RBFOX1: variants seen among roughly 807,000 people sequenced by gnomAD.
The protein encoded by RBFOX1 is RNA binding protein fox-1 homolog 1.
A neutral mutation model predicts 57.7 loss-of-function variants in RBFOX1; 8 were observed. That is an observed-to-expected ratio of 0.14 (90% CI 0.08 to 0.25). The LOEUF is 0.25. Among genes scored for constraint, RBFOX1 ranks in the 10% least tolerant of loss-of-function variants. The pLI is 1.00. For synonymous variants in RBFOX1, 326 were observed against 222.4 expected (o/e 1.47, Z -4.15); for missense variants, 611 against 548.5 (o/e 1.11, Z -1.14).
Position 5,781,946 on chromosome 16 carries a change from C to T in RBFOX1, c.319-85357C>T, listed in dbSNP as rs2054337338. Reference sequence around the variant, plus strand: ...ACAGGCCAGGCGTGGTGGTTCATGCCTGTAATCCCAGCACTTAGGGAGGCC... The same window carrying T: ...ACAGGCCAGGCGTGGTGGTTCATGCTTGTAATCCCAGCACTTAGGGAGGCC... On this transcript the variant is annotated intron_variant, in intron 3 of 19. Coordinates refer to the RBFOX1 transcript ENST00000641259. Among the ~76,000 whole-genome samples the T allele has an allele frequency of 3.9e-5, 6 of 152,234 alleles. No homozygotes were observed. In the South Asian group the frequency reaches 1.2e-3, roughly 31 times the overall value.
At chr16:6,903,443 T>A (rs189888455) in intron 3 of RBFOX1, among the ~76,000 whole-genome samples, 17 of 152,326 alleles carry the variant, frequency 1.1e-4, no homozygotes, top group Admixed American at 9.1e-4. Flanking sequence ...AAGTCTGCCA[T>A]CATTGCTTAT....
chr16:7,217,727 G>C (rs145317603), intron 4 of RBFOX1, among the ~76,000 whole-genome samples: 1,888 of 152,254 alleles, frequency 0.012, 34 homozygotes, highest in African/African-American at 0.038. Flanking sequence ...CTGAGAAAAA[G>C]CTTTATTTAC....
intron 2 of RBFOX1, among the ~76,000 whole-genome samples, chr16:6,381,955 A>G (rs560522010): frequency 6.6e-6 from 1 of 152,322 alleles, no homozygotes; most frequent in Non-Finnish European, 1.5e-5. Flanking sequence ...TCTCCTAGGA[A>G]AAGGCTCTGC....
intron 3 of RBFOX1, among the ~76,000 whole-genome samples, chr16:6,995,931 C>T (rs999776704): frequency 3.3e-5 from 5 of 152,132 alleles, no homozygotes; most frequent in Admixed American, 1.3e-4. Flanking sequence ...TAGGAAAAAA[C>T]AACCCAGTTC....
chr16:7,126,444 T>C, intron 4 of RBFOX1: 1 of 229,480 alleles, frequency 4.4e-6, no homozygotes, highest in South Asian at 6.9e-5. Context: ...CACATACAGC[T>C]TGGGAAGCAC....
chr16:7,571,827 G>A (rs985103977), intron 5 of RBFOX1, among the ~76,000 whole-genome samples: 2 of 152,130 alleles, frequency 1.3e-5, no homozygotes, highest in Non-Finnish European at 2.9e-5. Context: ...TGCATGGCCT[G>A]AGAAATAAAA....
At chr16:7,695,057 C>T (rs1452910035) in intron 14 of RBFOX1, among the ~76,000 whole-genome samples, 1 of 152,300 alleles carries the variant, frequency 6.6e-6, no homozygotes, top group Non-Finnish European at 1.5e-5. Flanking sequence ...TGAAAGTTTG[C>T]ATGCGTGTGG....
rs72778515 is a variant in RBFOX1 at position 7,694,799 on chromosome 16, C to T, written c.996-14257C>T. On this transcript the variant is annotated intron_variant, in intron 14 of 15. Coordinates refer to ENST00000550418, the MANE Select transcript of RBFOX1 (RefSeq NM_018723.4). Reference sequence around the variant, plus strand: ...TGGAGCATGAAACAAAAGGGGAGACCGCTTGGAATGGGAGGTAGGGGTGGG... The same window carrying T: ...TGGAGCATGAAACAAAAGGGGAGACTGCTTGGAATGGGAGGTAGGGGTGGG... Among the ~76,000 whole-genome samples the T allele has an allele frequency of 8.0e-3, 1,213 of 152,138 alleles. 13 individuals are homozygous for T. Among genetic ancestry groups the T allele is most frequent in the Admixed American group, 0.014 (211 of 15,272 alleles).
At chr16:5,292,273 C>A (rs1596416244) in intron 1 of RBFOX1, among the ~76,000 whole-genome samples, 1 of 152,202 alleles carries the variant, frequency 6.6e-6, no homozygotes, top group Admixed American at 6.5e-5. Context: ...TTTGAAAGAT[C>A]CCAGCAACAA....
intron 3 of RBFOX1, among the ~76,000 whole-genome samples, chr16:6,813,297 G>A (rs1603627941): frequency 6.6e-6 from 1 of 152,146 alleles, no homozygotes; most frequent in Non-Finnish European, 1.5e-5. Context: ...CATATTCCAT[G>A]AAACAACCCT....
At chr16:5,989,089 G>A (rs2060336309) in intron 4 of RBFOX1, among the ~76,000 whole-genome samples, 1 of 151,870 alleles carries the variant, frequency 6.6e-6, no homozygotes, top group Non-Finnish European at 1.5e-5. Context: ...GGGAGGCCGA[G>A]GCGGGTGGAT....
At chr16:6,503,338 C>T (rs192899028) in intron 2 of RBFOX1, among the ~76,000 whole-genome samples, 1 of 152,206 alleles carries the variant, frequency 6.6e-6, no homozygotes, top group African/African-American at 2.4e-5. Flanking sequence ...ATTGTAGAAG[C>T]CTGGGGAGTC....
intron 1 of RBFOX1, chr16:5,467,174 T>TTCTCTC (rs34212245): frequency 0.022 from 27,895 of 1,259,072 alleles, 71 homozygotes; most frequent in Non-Finnish European, 0.026. Flanking sequence ...TCAATGTTTC[T>TTCTCTC]TCTCTCTCTC....
intron 1 of RBFOX1, among the ~76,000 whole-genome samples, chr16:6,109,276 T>C (rs1445865246): frequency 1.3e-5 from 2 of 152,210 alleles, no homozygotes; most frequent in Non-Finnish European, 2.9e-5. Flanking sequence ...TGATCATCTT[T>C]GGATCAATAT....
intron 1 of RBFOX1, among the ~76,000 whole-genome samples, chr16:5,251,077 T>G (rs1452945578): frequency 6.6e-6 from 1 of 151,748 alleles, no homozygotes; most frequent in Non-Finnish European, 1.5e-5. Context: ...TGTCCTGGGG[T>G]GGGGGGGTCC....
chr16:7,313,670 G>C (rs1180991111), intron 4 of RBFOX1, among the ~76,000 whole-genome samples: 5 of 150,632 alleles, frequency 3.3e-5, no homozygotes, highest in African/African-American at 1.2e-4. Flanking sequence ...ACAAGCACAC[G>C]AATAAGCACT....
intron 2 of RBFOX1, among the ~76,000 whole-genome samples, chr16:6,450,839 GTATATATATA>G (rs1202016714): frequency 2.9e-4 from 4 of 13,602 alleles, no homozygotes; most frequent in South Asian, 3.4e-3. Context: ...ATATATATGT[GTATATATATA>G]TATATATATA....
chr16:6,949,701 C>G (rs556264474), intron 3 of RBFOX1, among the ~76,000 whole-genome samples: 1 of 152,130 alleles, frequency 6.6e-6, no homozygotes, highest in Non-Finnish European at 1.5e-5. Flanking sequence ...CCTTCTAGGT[C>G]CTACCTCCAC....
At chr16:5,485,345 C>CTAA (rs2069692090) in intron 2 of RBFOX1, among the ~76,000 whole-genome samples, 14 of 51,652 alleles carry the variant, frequency 2.7e-4, no homozygotes, top group South Asian at 1.5e-3. Flanking sequence ...GACTCCGTGT[C>CTAA]AAAAAAAAAA....
Sources: allele counts gnomAD v4.1 joint callset (sites outside exome capture counted in the v4.1 genomes callset), GRCh38; gene constraint gnomAD v4.1.1; transcripts MANE v1.5; gene names NCBI Gene and HGNC (gene_info 2026-07-23, HGNC 2026-07-21).